WNK1: variants seen among roughly 807,000 people sequenced by gnomAD.
The protein encoded by WNK1 is serine/threonine-protein kinase WNK1.
A neutral mutation model predicts 222.8 loss-of-function variants in WNK1; 38 were observed. The ratio of observed to expected loss-of-function variants is 0.17; its 90% CI spans 0.13 to 0.22. The LOEUF is 0.22. Ranked by LOEUF, WNK1 falls within the 10% of genes least tolerant of loss-of-function variation. The probability of loss-of-function intolerance (pLI) is 1.00; values close to 1 mark genes in which losing one functional copy is unlikely to be tolerated. For missense variants in WNK1, 2,348 were observed against 2,918.4 expected (o/e 0.80, Z 4.50); for synonymous variants, 1,090 against 1,092.9 (o/e 1.00, Z 0.05).
chr12:868,448 G>T (rs1335797893), intron 8 of WNK1: 1 of 1,613,758 alleles, frequency 6.2e-7, no homozygotes, highest in African/African-American at 1.3e-5. Context: ...GGCTTTCCTG[G>T]TAGGACACCT....
intron 8 of WNK1, among the ~76,000 whole-genome samples, chr12:867,314 C>CA (rs1167303966): frequency 6.6e-6 from 1 of 152,042 alleles, no homozygotes; most frequent in East Asian, 1.9e-4. Context: ...TACTATCCAC[C>CA]AAAAATCTCT....
intron 27 of WNK1, 165 bp downstream of exon 27, chr12:908,199 C>T: frequency 3.1e-6 from 3 of 967,690 alleles, no homozygotes; most frequent in Admixed American, 4.3e-5. Context: ...TTTTCCTTCC[C>T]TGAATTCCTA....
Position 893,739 on chromosome 12 carries a change from C to CAT in WNK1, c.5510-822_5510-821dup, listed in dbSNP as rs1239189303. ...TCGAGAGGCTGAGGCAGGAGAATGG[C>CAT]ATGAACCTGGGAGGTGTAGCTTGCA... On this transcript the variant is annotated intron_variant, in intron 22 of 27. Coordinates refer to ENST00000315939, the MANE Select transcript of WNK1 (RefSeq NM_018979.4). Among the ~76,000 whole-genome samples the CAT allele has an allele frequency of 9.9e-5, 15 of 151,502 alleles. 1 individual carries two copies. Among genetic ancestry groups the CAT allele is most frequent in the African/African-American group, 3.4e-4 (14 of 41,358 alleles).
At chr12:841,094 T>A (rs920474597) in intron 4 of WNK1, among the ~76,000 whole-genome samples, 16 of 152,190 alleles carry the variant, frequency 1.1e-4, no homozygotes, top group African/African-American at 3.6e-4. Context: ...TTTATTAAAC[T>A]GAGACAAAAA....
Position 857,146 on chromosome 12 carries a change from G to C in WNK1, c.1312-15G>C. The C allele has an allele frequency of 5.6e-6, 9 of 1,613,204 alleles. No individual in the cohort carries two copies. The highest frequency in any genetic ancestry group is 7.6e-6 in the Non-Finnish European group (9 of 1,179,242). On this transcript the variant is annotated splice_polypyrimidine_tract_variant and intron_variant, in intron 4 of 27. Transcript: ENST00000315939. ...GCCCTGCTTTTATTAATGTATTTCT[G>C]TTTATGGTTTTCAGGGGGTGAAGCC...
intron 1 of WNK1, among the ~76,000 whole-genome samples, chr12:808,759 CTCTTT>C (rs1241999799): frequency 1.7e-5 from 2 of 116,774 alleles, no homozygotes; most frequent in Non-Finnish European, 3.5e-5. Flanking sequence ...CTGTATCTCT[CTCTTT>C]TTTTTTTTTT....
At chr12:901,351 G>A (rs1254952928) in intron 26 of WNK1, among the ~76,000 whole-genome samples, 1 of 152,134 alleles carries the variant, frequency 6.6e-6, no homozygotes, top group East Asian at 1.9e-4. Context: ...AGCATTATTC[G>A]AACTAAGAAA....
At position 889,160 on chromosome 12, in the gene WNK1, T is replaced by A; in HGVS notation, c.5385T>A (p.Asp1795Glu). 1 of 1,614,146 alleles carries A rather than the reference T, an allele frequency of 6.2e-7. No individual in the cohort carries two copies. The highest frequency in any genetic ancestry group is 8.5e-7 in the Non-Finnish European group (1 of 1,179,990). Residue 1795 changes from aspartate to glutamate, a missense_variant, in exon 21 of 28, where the codon GAT becomes GAA. By Grantham distance (45) the Asp-to-Glu change is conservative. Transcript: ENST00000315939. ...SLTQSQQPLEDLDAQLRRTLS... is the reference protein window; with the variant it reads ...SLTQSQQPLEELDAQLRRTLS... ...TTCAGTCCCAGCAACCTCTAGAGGA[T>A]CTTGATGCTCAATTGAGAAGAACAC...
chr12:771,012 G>A (rs1942409815), intron 1 of WNK1, among the ~76,000 whole-genome samples: 1 of 150,022 alleles, frequency 6.7e-6, no homozygotes, highest in Non-Finnish European at 1.5e-5. Context: ...CTTTTTTTTT[G>A]GAGACGGAGT....
chr12:834,430 AAGAG>A (rs894579874), intron 4 of WNK1, among the ~76,000 whole-genome samples: 6 of 152,118 alleles, frequency 3.9e-5, no homozygotes, highest in African/African-American at 1.4e-4. Flanking sequence ...GAGCAAGAGG[AAGAG>A]AGAGAGAAGT....
intron 11 of WNK1, among the ~76,000 whole-genome samples, chr12:880,251 G>A (rs746375668): frequency 6.6e-6 from 1 of 152,214 alleles, no homozygotes; most frequent in Non-Finnish European, 1.5e-5. Flanking sequence ...GGTTCTCTCA[G>A]TATTCACTGT....
At chr12:853,999 C>T (rs938247008) in intron 4 of WNK1, among the ~76,000 whole-genome samples, 1 of 152,116 alleles carries the variant, frequency 6.6e-6, no homozygotes. Context: ...GATCCTCCTG[C>T]CTCAGCCTCC....
At chr12:810,197 A>C (rs1459355010) in intron 1 of WNK1, among the ~76,000 whole-genome samples, 1 of 151,842 alleles carries the variant, frequency 6.6e-6, no homozygotes, top group Non-Finnish European at 1.5e-5. Context: ...CAGTGAGCAG[A>C]GATTGTGTCA....
intron 1 of WNK1, among the ~76,000 whole-genome samples, chr12:808,835 C>G (rs1167641947): frequency 6.7e-6 from 1 of 149,194 alleles, no homozygotes; most frequent in African/African-American, 2.5e-5. Flanking sequence ...GAGATCTCGA[C>G]TCACTGCAAT....
rs1466139017 is a variant in WNK1 at position 884,910 on chromosome 12, C to T, written c.4106C>T (p.Ser1369Leu). ...AGCCCTCCTAATGACATTTCCACAT[C>T]AGTAATTCAGTCTGAGGTTACAGTG... Reference protein sequence around the residue: ...TSSPPNDISTSVIQSEVTVPT... With the variant: ...TSSPPNDISTLVIQSEVTVPT... The change falls in exon 19 of 28, where the codon TCA (serine) becomes TTA (leucine). Residue 1369 changes from serine (S) to leucine (L), a missense_variant. By Grantham distance (145) the Ser-to-Leu change is moderately radical. Around this residue, in one of 13 missense-constraint regions of WNK1, gnomAD observed 1,144 missense variants for 1,273.6 expected, o/e 0.90. Coordinates refer to ENST00000315939, the MANE Select transcript of WNK1 (RefSeq NM_018979.4). The surrounding 1 kb of genome is among the most constrained non-coding windows in gnomAD (Gnocchi z 5.6). 1.2e-6 allele frequency: 2 copies of T among 1,614,166 alleles called. No individual in the cohort carries two copies. Among genetic ancestry groups the T allele is most frequent in the Non-Finnish European group, 1.7e-6 (2 of 1,180,012 alleles).
At chr12:794,530 G>T (rs1168193542) in intron 1 of WNK1, among the ~76,000 whole-genome samples, 1 of 150,842 alleles carries the variant, frequency 6.6e-6, no homozygotes, top group Admixed American at 6.6e-5. Context: ...ATGAAAGGGT[G>T]TTGGACTTCG....
chr12:879,718 C>T lies in WNK1; in HGVS notation c.2519C>T (p.Pro840Leu), dbSNP rs564277838. 56 of 1,613,984 alleles carry T rather than the reference C, an allele frequency of 3.5e-5. 1 individual carries two copies. The South Asian group carries it at 6.1e-4, about 18-fold the overall frequency. The change falls in exon 11 of 28, where the codon CCT becomes CTT. Residue 840 changes from proline to leucine, a missense_variant. Physicochemically the swap from Pro to Leu is moderately conservative, Grantham distance 98. Coordinates refer to ENST00000315939, the MANE Select transcript of WNK1 (RefSeq NM_018979.4). The stretch of plus-strand genomic sequence containing the variant: ...CCTACTCCCTTGCTCCCTCAGTACC[C>T]TGTCTCTCAGATTCCCATATCAACT... ...PLPTPLLPQY[P>L]VSQIPISTPH... is the part of the protein sequence containing the mutation.
rs1939529638 is a variant in WNK1 at position 753,701 on chromosome 12, G to C, written c.136G>C (p.Ala46Pro). ...GAAACTGGGAGCCGCGGCCGCCGACGCTGTGACCGGCAGGACCGAGGAGTA... is the reference window on the plus strand; with the variant it reads ...GAAACTGGGAGCCGCGGCCGCCGACCCTGTGACCGGCAGGACCGAGGAGTA... Reference protein sequence around the residue: ...GEKLGAAAADAVTGRTEEYRR... With the variant: ...GEKLGAAAADPVTGRTEEYRR... The change falls in exon 1 of 28, where the codon GCT (alanine) becomes CCT (proline). Residue 46 changes from alanine to proline, a missense_variant. Physicochemically the swap from Ala to Pro is conservative, Grantham distance 27 (BLOSUM62 -1). Coordinates refer to ENST00000315939, the MANE Select transcript of WNK1 (RefSeq NM_018979.4). The surrounding 1 kb of genome is among the most constrained non-coding windows in gnomAD (Gnocchi z 5.2). 2 of 1,612,094 alleles carry C rather than the reference G, an allele frequency of 1.2e-6. No individual in the cohort carries two copies. The highest frequency in any genetic ancestry group is 2.2e-5 in the East Asian group (1 of 44,872).
At chr12:843,322 C>T (rs1466864291) in intron 4 of WNK1, among the ~76,000 whole-genome samples, 1 of 152,114 alleles carries the variant, frequency 6.6e-6, no homozygotes, top group Non-Finnish European at 1.5e-5. Context: ...CTTTTATTTA[C>T]TTGTGTTCTA....
Sources: allele counts gnomAD v4.1 joint callset (sites outside exome capture counted in the v4.1 genomes callset), GRCh38; gene constraint gnomAD v4.1.1; regional missense constraint gnomAD v4.1.1; non-coding constraint Gnocchi (gnomAD v3.1); transcripts MANE v1.5; gene names NCBI Gene and HGNC (gene_info 2026-07-23, HGNC 2026-07-21).